Variants in GLRA3 observed in about 807,000 individuals in gnomAD.
GLRA3 encodes the protein glycine receptor subunit alpha-3.
A neutral mutation model predicts 60.4 loss-of-function variants in GLRA3; 44 were observed. That is an observed-to-expected ratio of 0.73 (90% CI 0.57 to 0.94). GLRA3 has a LOEUF of 0.94. Among genes scored for constraint, GLRA3 ranks in the 40% least tolerant of loss-of-function variants. The pLI, the probability that GLRA3 is intolerant of heterozygous loss-of-function variation, is 0.00. For synonymous variants in GLRA3, 223 were observed against 192.9 expected (o/e 1.16, Z -1.29); for missense variants, 508 against 564.6 (o/e 0.90, Z 1.02).
intron 2 of GLRA3, among the ~76,000 whole-genome samples, chr4:174,783,986 C>A (rs1490998746): frequency 6.7e-6 from 1 of 150,330 alleles, no homozygotes; most frequent in Non-Finnish European, 1.5e-5. Context: ...ACCCAAAGGA[C>A]TATAAATCAT....
chr4:174,708,411 T>C (rs1270477056), intron 5 of GLRA3, among the ~76,000 whole-genome samples: 1 of 151,926 alleles, frequency 6.6e-6, no homozygotes. Context: ...TATATTTCTA[T>C]CCAACAATAC....
chr4:174,670,491 A>G (rs1365434709), intron 7 of GLRA3, among the ~76,000 whole-genome samples: 1 of 152,176 alleles, frequency 6.6e-6, no homozygotes, highest in African/African-American at 2.4e-5. Flanking sequence ...ATTCTAGGAT[A>G]TATATGAACG....
chr4:174,686,926 T>G (rs145305772), intron 5 of GLRA3, among the ~76,000 whole-genome samples: 2 of 152,322 alleles, frequency 1.3e-5, no homozygotes, highest in East Asian at 3.9e-4. Flanking sequence ...AAAATTTTGA[T>G]CATTGGAATC....
intron 2 of GLRA3, among the ~76,000 whole-genome samples, chr4:174,775,343 T>C (rs928131543): frequency 6.6e-6 from 1 of 152,158 alleles, no homozygotes; most frequent in African/African-American, 2.4e-5. Context: ...TGGGTACACA[T>C]GCCACCCTTG....
chr4:174,701,353 G>T (rs555351738), intron 5 of GLRA3, among the ~76,000 whole-genome samples: 1 of 152,286 alleles, frequency 6.6e-6, no homozygotes, highest in Admixed American at 6.5e-5. Context: ...TAAGCCCACA[G>T]TTGAGACCTA....
intron 5 of GLRA3, among the ~76,000 whole-genome samples, chr4:174,698,869 G>C (rs976115371): frequency 6.6e-6 from 1 of 152,096 alleles, no homozygotes; most frequent in African/African-American, 2.4e-5. Context: ...TTAATACACA[G>C]TATAATAAAA....
intron 2 of GLRA3, among the ~76,000 whole-genome samples, chr4:174,773,097 G>C (rs1241960008): frequency 6.6e-6 from 1 of 152,154 alleles, no homozygotes; most frequent in Non-Finnish European, 1.5e-5. Flanking sequence ...GAGAGCACCT[G>C]TTTAGTAGCT....
intron 3 of GLRA3, among the ~76,000 whole-genome samples, chr4:174,755,139 T>C (rs948831757): frequency 4.6e-5 from 7 of 152,106 alleles, no homozygotes; most frequent in African/African-American, 9.7e-5. Context: ...GCAGTAAAAA[T>C]AGCAGTTTAT....
At chr4:174,766,903 G>T in intron 3 of GLRA3, 60 bp downstream of exon 3, 1 of 781,852 alleles carries the variant, frequency 1.3e-6, no homozygotes, top group Non-Finnish European at 2.2e-6. Flanking sequence ...ATAAAATGTT[G>T]CCATTAATGT....
chr4:174,719,207 C>T (rs1276821704), intron 4 of GLRA3, among the ~76,000 whole-genome samples: 1 of 151,870 alleles, frequency 6.6e-6, no homozygotes, highest in Admixed American at 6.6e-5. Flanking sequence ...TCGTGATCCG[C>T]CCGCCTCGGC....
chr4:174,808,833 AATAAAGAT>A (rs1740151009), intron 1 of GLRA3, among the ~76,000 whole-genome samples: 1 of 152,204 alleles, frequency 6.6e-6, no homozygotes, highest in South Asian at 2.1e-4. Context: ...AAGCTTATAG[AATAAAGAT>A]ATAAAGAATA....
chr4:174,735,781 G>A (rs951188146), intron 3 of GLRA3, among the ~76,000 whole-genome samples: 4 of 152,016 alleles, frequency 2.6e-5, no homozygotes, highest in Non-Finnish European at 5.9e-5. Context: ...AGGCTGGTCT[G>A]GAACTCCTGA....
At chr4:174,687,246 A>C (rs1207844806) in intron 5 of GLRA3, among the ~76,000 whole-genome samples, 1 of 152,226 alleles carries the variant, frequency 6.6e-6, no homozygotes, top group Non-Finnish European at 1.5e-5. Context: ...AACAGTAAAT[A>C]TCTTACAGTA....
At chr4:174,699,772 T>G (rs999327809) in intron 5 of GLRA3, among the ~76,000 whole-genome samples, 1 of 150,318 alleles carries the variant, frequency 6.7e-6, no homozygotes, top group Non-Finnish European at 1.5e-5. Context: ...AGAATTAATA[T>G]TTGTTAAATA....
intron 4 of GLRA3, among the ~76,000 whole-genome samples, chr4:174,725,703 A>C (rs912875915): frequency 6.6e-6 from 1 of 152,070 alleles, no homozygotes; most frequent in Non-Finnish European, 1.5e-5. Flanking sequence ...GCTGGTCTCA[A>C]ACTCCTGGGC....
chr4:174,825,322 A>G (rs1740924156), intron 1 of GLRA3, among the ~76,000 whole-genome samples: 1 of 152,102 alleles, frequency 6.6e-6, no homozygotes, highest in African/African-American at 2.4e-5. Flanking sequence ...TCCAAAACAT[A>G]CCAAAAGCAA....
intron 6 of GLRA3, among the ~76,000 whole-genome samples, chr4:174,678,077 T>C (rs1222307053): frequency 6.6e-6 from 1 of 152,134 alleles, no homozygotes; most frequent in African/African-American, 2.4e-5. Flanking sequence ...CCTTGAATAA[T>C]AAAGCAAACA....
At chr4:174,791,052 C>T (rs1460016244) in intron 1 of GLRA3, among the ~76,000 whole-genome samples, 1 of 151,036 alleles carries the variant, frequency 6.6e-6, no homozygotes, top group East Asian at 1.9e-4. Context: ...AACCACAATC[C>T]TTCACATTGT....
At chr4:174,756,649 CTTTTTTT>C (rs36089597) in intron 3 of GLRA3, among the ~76,000 whole-genome samples, 1 of 142,538 alleles carries the variant, frequency 7.0e-6, no homozygotes, top group Admixed American at 7.0e-5. Flanking sequence ...TCTTTTTTTT[CTTTTTTT>C]TTTTTTGAGA....
Sources: gnomAD v4.1 joint callset for allele counts (sites outside exome capture counted in the v4.1 genomes callset) on GRCh38, gnomAD v4.1.1 for gene constraint, MANE v1.5 for transcripts, NCBI Gene and HGNC (gene_info 2026-07-23, HGNC 2026-07-21) for gene names.